Variants in PGCKA1 observed in about 807,000 individuals in gnomAD.
PGCKA1 encodes PDCD10 and GCKIII kinases associated 1.
the PGCKA1 span, among the ~76,000 whole-genome samples, chr4:37,540,187 A>G: frequency 5.6e-3 from 854 of 152,254 alleles, 12 homozygotes; most frequent in African/African-American, 0.019. Flanking sequence ...AGTTTTGTGC[A>G]CTTATATGTA....
chr4:37,463,796 T>C, the PGCKA1 span, among the ~76,000 whole-genome samples: 3 of 147,704 alleles, frequency 2.0e-5, no homozygotes, highest in Admixed American at 1.4e-4. Flanking sequence ...AAAGGAGTGT[T>C]ACTTTTATAT....
chr4:37,474,953 T>C, the PGCKA1 span, among the ~76,000 whole-genome samples: 6 of 152,330 alleles, frequency 3.9e-5, no homozygotes, highest in East Asian at 1.2e-3. Context: ...TTAGTAGATT[T>C]TTTTCATTTC....
the PGCKA1 span, among the ~76,000 whole-genome samples, chr4:37,468,808 C>T: frequency 1.3e-5 from 2 of 152,062 alleles, no homozygotes; most frequent in African/African-American, 4.8e-5. Context: ...TTTTCTTTTC[C>T]AATAGTTAAT....
At chr4:37,591,125 T>A in the PGCKA1 span, 2 of 751,372 alleles carry the variant, frequency 2.7e-6, no homozygotes, top group East Asian at 5.2e-5. Flanking sequence ...GTTGTTTACA[T>A]CCAGCATCTG....
chr4:37,472,343 C>T, the PGCKA1 span, among the ~76,000 whole-genome samples: 1 of 152,160 alleles, frequency 6.6e-6, no homozygotes, highest in East Asian at 1.9e-4. Flanking sequence ...GATATTGCTT[C>T]ACCAATTAAT....
chr4:37,523,223 T>C, the PGCKA1 span, among the ~76,000 whole-genome samples: 1 of 152,068 alleles, frequency 6.6e-6, no homozygotes, highest in African/African-American at 2.4e-5. Context: ...GTAAAAACTA[T>C]CAGCTGAGTT....
At chr4:37,553,869 T>C in the PGCKA1 span, among the ~76,000 whole-genome samples, 2 of 152,210 alleles carry the variant, frequency 1.3e-5, no homozygotes, top group African/African-American at 4.8e-5. Context: ...AAACCATGGC[T>C]TTCTCTACTG....
At chr4:37,582,507 C>T in the PGCKA1 span, among the ~76,000 whole-genome samples, 1 of 152,258 alleles carries the variant, frequency 6.6e-6, no homozygotes, top group African/African-American at 2.4e-5. Context: ...ACATGCAGTG[C>T]ATCGGCTGTC....
the PGCKA1 span, among the ~76,000 whole-genome samples, chr4:37,515,049 A>G: frequency 6.6e-6 from 1 of 152,152 alleles, no homozygotes; most frequent in East Asian, 1.9e-4. Context: ...CAAAATTTGT[A>G]TGTGGAAATC....
At chr4:37,590,220 C>A in the PGCKA1 span, 2 of 1,614,172 alleles carry the variant, frequency 1.2e-6, no homozygotes, top group Middle Eastern at 1.6e-4. Flanking sequence ...AGAAAAATGA[C>A]CCTCAGAGGC....
chr4:37,557,893 C>T, the PGCKA1 span: 2 of 152,166 alleles, frequency 1.3e-5, no homozygotes, highest in Non-Finnish European at 2.9e-5. Flanking sequence ...CTGTTCCAAG[C>T]CAGGAACTCC....
At chr4:37,590,728 G>A in the PGCKA1 span, 1 of 1,614,170 alleles carries the variant, frequency 6.2e-7, no homozygotes, top group Non-Finnish European at 8.5e-7. Context: ...GCCCCCAGTG[G>A]GGGAGCATGG....
chr4:37,588,041 C>T, the PGCKA1 span: 3 of 152,214 alleles, frequency 2.0e-5, no homozygotes, highest in South Asian at 2.1e-4. Flanking sequence ...TGCTTCCATA[C>T]TCATTTTTAG....
chr4:37,473,439 T>C, the PGCKA1 span, among the ~76,000 whole-genome samples: 1 of 152,226 alleles, frequency 6.6e-6, no homozygotes, highest in South Asian at 2.1e-4. Context: ...AATTTTGCTG[T>C]ATTTAATGCT....
At chr4:37,502,495 G>A in the PGCKA1 span, among the ~76,000 whole-genome samples, 1 of 152,170 alleles carries the variant, frequency 6.6e-6, no homozygotes, top group Admixed American at 6.5e-5. Context: ...TGGTGGTAGT[G>A]TTGATGCAGG....
the PGCKA1 span, among the ~76,000 whole-genome samples, chr4:37,559,824 T>A: frequency 5.3e-5 from 8 of 152,178 alleles, no homozygotes; most frequent in Non-Finnish European, 1.2e-4. Flanking sequence ...TAATCTTCTA[T>A]ATATTTTTAC....
At chr4:37,541,890 A>G in the PGCKA1 span, among the ~76,000 whole-genome samples, 1 of 152,186 alleles carries the variant, frequency 6.6e-6, no homozygotes, top group African/African-American at 2.4e-5. Context: ...CAGAGGAGAG[A>G]GTCCAGTGGC....
the PGCKA1 span, among the ~76,000 whole-genome samples, chr4:37,581,223 G>A: frequency 6.6e-6 from 1 of 152,206 alleles, no homozygotes; most frequent in Admixed American, 6.5e-5. This position sits in a 1 kb window ranked among gnomAD's most constrained non-coding sequence, Gnocchi z 4.4. Context: ...CTCGCTTGGT[G>A]CTCTACCCCA....
the PGCKA1 span, chr4:37,454,060 C>A: frequency 6.5e-6 from 1 of 153,540 alleles, no homozygotes; most frequent in South Asian, 1.8e-4. Flanking sequence ...ATCCCCCGCC[C>A]CGCGCGCGCA....
Sources: allele counts gnomAD v4.1 joint callset (sites outside exome capture counted in the v4.1 genomes callset), GRCh38; gene constraint gnomAD v4.1.1; non-coding constraint Gnocchi (gnomAD v3.1); transcripts MANE v1.5; gene names NCBI Gene and HGNC (gene_info 2026-07-23, HGNC 2026-07-21).